The following PCBD2 variants were observed in gnomAD, a reference collection of about 807,000 sequenced individuals.
PCBD2 encodes the protein pterin-4 alpha-carbinolamine dehydratase 2, also known as pterin-4-alpha-carbinolamine dehydratase 2.
A neutral mutation model predicts 16.4 loss-of-function variants in PCBD2; 12 were observed. The ratio of observed to expected loss-of-function variants is 0.73; its 90% CI spans 0.47 to 1.19. PCBD2 has a LOEUF of 1.19. PCBD2 is among the 50% of genes most tolerant of loss of function. PCBD2 has a pLI of 0.00. For missense variants in PCBD2, 138 were observed against 156.8 expected, an observed-to-expected ratio of 0.88 and a Z score of 0.64; for synonymous variants, 58 against 61.8, an observed-to-expected ratio of 0.94 and a Z score of 0.29.
chr5:134,949,393 T>TA (rs1264509675), intron 2 of PCBD2, among the ~76,000 whole-genome samples: 2 of 151,986 alleles, frequency 1.3e-5, no homozygotes, highest in African/African-American at 4.8e-5. Context: ...ATTAACTGAG[T>TA]TCTTAATAGA....
rs1242545422 is a variant in PCBD2, at chr5:134,905,284, C to A, written c.84+61C>A. ...GGTCGGGGGGCGGTGCGAGGCCCGG[C>A]GGCGTCGGCTGAGGGACCAGCGGGA... On this transcript the variant is annotated intron_variant, in intron 1 of 3. Transcript: ENST00000254908. 9 of 1,204,016 alleles carry A rather than the reference C, an allele frequency of 7.5e-6. No individual in the cohort carries two copies. In the African/African-American group the frequency reaches 1.4e-4, roughly 19 times the overall value. The allele number at this position is 1,204,016 out of a possible 1,614,324, so 74.6% of individuals were successfully genotyped here. A position where few individuals can be genotyped will look rare whatever the true frequency, so the allele number is the denominator to read the frequency against.
intron 2 of PCBD2, among the ~76,000 whole-genome samples, chr5:134,936,119 A>C (rs1486618036): frequency 6.6e-6 from 1 of 152,268 alleles, no homozygotes; most frequent in Non-Finnish European, 1.5e-5. Context: ...AATACCATTA[A>C]TAACTGATGT....
At chr5:134,927,238 A>G in intron 2 of PCBD2, 1 of 398,500 alleles carries the variant, frequency 2.5e-6, no homozygotes, top group Non-Finnish European at 4.4e-6. Flanking sequence ...ATTATGCCTC[A>G]CAGGGATAGT....
At position 134,961,736 on chromosome 5, in the gene PCBD2, G is replaced by A. The variant is rs1202037370; in HGVS notation, c.*1055G>A. ...GAATTAGGAACTCGACAGATAGTGA[G>A]TTTTAACTTTAAATAACAATTCTTC... is the stretch of plus-strand genomic sequence containing the variant. On this transcript the variant is annotated 3_prime_UTR_variant, in exon 4 of 4. Transcript: ENST00000254908. Among the ~76,000 whole-genome samples, 2 of 152,016 alleles carry A rather than the reference G, an allele frequency of 1.3e-5. No homozygotes were observed. Among genetic ancestry groups the A allele is most frequent in the African/African-American group, 4.8e-5 (2 of 41,400 alleles).
Position 134,910,341 on chromosome 5 carries a change from G to C in PCBD2, c.91G>C (p.Gly31Arg), listed in dbSNP as rs766592984. The stretch of plus-strand genomic sequence containing the variant: ...AAATGTGTTCTCTTCATAGTCATCA[G>C]GTACTCACAGGTTGACTGCAGAGGA... ...QSLGLAAMSS[G>R]THRLTAEERN... is the part of the protein sequence containing the mutation. Residue 31 changes from glycine to arginine, a missense_variant, in exon 2 of 4, where the codon GGT (glycine) becomes CGT (arginine). By Grantham distance (125) the Gly-to-Arg change is moderately radical (BLOSUM62 -2). Transcript: ENST00000254908. The C allele has an allele frequency of 6.2e-7, 1 of 1,613,806 alleles. No homozygotes were observed. Among genetic ancestry groups the C allele is most frequent in the Middle Eastern group, 1.7e-4 (1 of 6,060 alleles).
chr5:134,915,474 T>C (rs1580878453), intron 2 of PCBD2, among the ~76,000 whole-genome samples: 1 of 121,092 alleles, frequency 8.3e-6, no homozygotes, highest in Admixed American at 9.6e-5. Flanking sequence ...TGAGACAGGG[T>C]CTAATTCTGT....
At chr5:134,942,387 A>C (rs1289035412) in intron 2 of PCBD2, among the ~76,000 whole-genome samples, 1 of 152,102 alleles carries the variant, frequency 6.6e-6, no homozygotes, top group African/African-American at 2.4e-5. Context: ...AATAGGAATG[A>C]TAAACCTGTT....
intron 2 of PCBD2, among the ~76,000 whole-genome samples, chr5:134,913,117 A>G (rs182749077): frequency 6.6e-6 from 1 of 152,342 alleles, no homozygotes; most frequent in East Asian, 1.9e-4. Context: ...TTTATCATGA[A>G]ATATTTATTA....
chr5:134,906,295 C>T (rs1445715468), intron 1 of PCBD2, among the ~76,000 whole-genome samples: 2 of 149,420 alleles, frequency 1.3e-5, no homozygotes. Flanking sequence ...GCTCCGCCTC[C>T]CGGGTTCACG....
chr5:134,922,322 G>C (rs549159580), intron 2 of PCBD2, among the ~76,000 whole-genome samples: 53 of 152,240 alleles, frequency 3.5e-4, no homozygotes, highest in Non-Finnish European at 6.3e-4. Flanking sequence ...TGGGATTACA[G>C]GTGTGAGCCA....
chr5:134,956,519 C>T (rs1441283840), intron 2 of PCBD2, among the ~76,000 whole-genome samples: 1 of 152,192 alleles, frequency 6.6e-6, no homozygotes, highest in Non-Finnish European at 1.5e-5. Flanking sequence ...TCACTTTAGA[C>T]ATTTTAGAAT....
intron 2 of PCBD2, among the ~76,000 whole-genome samples, chr5:134,953,582 G>C (rs1161770484): frequency 6.6e-6 from 1 of 152,076 alleles, no homozygotes; most frequent in African/African-American, 2.4e-5. Context: ...ATCACTTGAG[G>C]TCAGGAGTTC....
chr5:134,935,859 G>T (rs1490667853), intron 2 of PCBD2, among the ~76,000 whole-genome samples: 20 of 152,220 alleles, frequency 1.3e-4, no homozygotes, highest in Admixed American at 1.3e-3. Flanking sequence ...CTAGGGCAGC[G>T]TGCGTAGCCC....
At chr5:134,927,148 C>T (rs1751016557) in intron 2 of PCBD2, 8 of 398,326 alleles carry the variant, frequency 2.0e-5, no homozygotes, top group South Asian at 2.6e-4. Flanking sequence ...GCTGTTACTA[C>T]GAGGGCTATG....
chr5:134,931,511 C>T (rs955945141), intron 2 of PCBD2, among the ~76,000 whole-genome samples: 4 of 152,142 alleles, frequency 2.6e-5, no homozygotes, highest in African/African-American at 7.2e-5. Flanking sequence ...ATTGAAGCTT[C>T]CCAGAAGCCT....
chr5:134,928,551 C>T (rs1751050332), intron 2 of PCBD2: 1 of 260,824 alleles, frequency 3.8e-6, no homozygotes, highest in Non-Finnish European at 7.2e-6. Context: ...GAATGACTTC[C>T]AGGCTGGGCG....
intron 2 of PCBD2, among the ~76,000 whole-genome samples, chr5:134,929,738 C>G (rs1296716930): frequency 6.6e-6 from 1 of 152,148 alleles, no homozygotes; most frequent in African/African-American, 2.4e-5. Flanking sequence ...GTCATCTAGC[C>G]TTGAGTACAG....
At chr5:134,920,240 A>G (rs1456364921) in intron 2 of PCBD2, among the ~76,000 whole-genome samples, 1 of 152,220 alleles carries the variant, frequency 6.6e-6, no homozygotes, top group Non-Finnish European at 1.5e-5. Context: ...TGAATTTCGC[A>G]GAAAGACACT....
At chr5:134,947,913 A>T (rs914161170) in intron 2 of PCBD2, among the ~76,000 whole-genome samples, 1 of 152,212 alleles carries the variant, frequency 6.6e-6, no homozygotes. Flanking sequence ...CTCTCACCTC[A>T]TAAGACTCTG....
Sources: allele counts gnomAD v4.1 joint callset (sites outside exome capture counted in the v4.1 genomes callset), GRCh38; gene constraint gnomAD v4.1.1; transcripts MANE v1.5; gene names NCBI Gene and HGNC (gene_info 2026-07-23, HGNC 2026-07-21).